The following PTP4A3 variants were observed in gnomAD, a reference collection of about 807,000 sequenced individuals.
PTP4A3 encodes protein tyrosine phosphatase 4A3.
A neutral mutation model predicts 15.2 loss-of-function variants in PTP4A3; 9 were observed. That is an observed-to-expected ratio of 0.59 (90% CI 0.36 to 1.03). The LOEUF (loss-of-function observed/expected upper bound fraction) is 1.03, where lower values mean the gene tolerates loss of function less well. PTP4A3 is among the 50% of genes least tolerant of loss of function. The pLI is 0.02. For synonymous variants in PTP4A3, 95 were observed against 102.0 expected (o/e 0.93, Z 0.41); for missense variants, 234 against 252.1 (o/e 0.93, Z 0.49).
intron 1 of PTP4A3, among the ~76,000 whole-genome samples, chr8:141,414,624 G>T (rs1323190004): frequency 8.9e-6 from 1 of 112,928 alleles, no homozygotes; most frequent in Non-Finnish European, 2.0e-5. Flanking sequence ...CCTGGACTGG[G>T]GGGGGGGTAG....
At position 141,419,314 on chromosome 8, in the gene PTP4A3, A is replaced by G. The variant is rs114470514; in HGVS notation, c.-853-2074A>G. Reference sequence around the variant, plus strand: ...GGTCAGCCCCTCAGGGAGAGGCCCAATACTGTGGTTTCTCTGGTGCTTTTC... The same window carrying G: ...GGTCAGCCCCTCAGGGAGAGGCCCAGTACTGTGGTTTCTCTGGTGCTTTTC... On this transcript the variant is annotated intron_variant, in intron 1 of 5. Coordinates refer to ENST00000521578, the MANE Select transcript of PTP4A3 (RefSeq NM_032611.3). Among the ~76,000 whole-genome samples, 1,365 of 152,290 alleles carry G rather than the reference A, an allele frequency of 9.0e-3. 15 individuals carry two copies. The highest frequency in any genetic ancestry group is 0.031 in the African/African-American group (1,289 of 41,546).
At position 141,425,850 on chromosome 8, in the gene PTP4A3, G is replaced by A. The variant is rs966899327; in HGVS notation, c.198+710G>A. On this transcript the variant is annotated intron_variant, in intron 3 of 5. Transcript: ENST00000521578. The surrounding 1 kb of genome is among the most constrained non-coding windows in gnomAD (Gnocchi z 4.2). Reference sequence around the variant, plus strand: ...CTTGGCGGTTTGGAATGGTGGCAGCGCTGGCGGTTTGGGGTCAGACAGGCC... The same window carrying A: ...CTTGGCGGTTTGGAATGGTGGCAGCACTGGCGGTTTGGGGTCAGACAGGCC... Among the ~76,000 whole-genome samples, 1 of 152,324 alleles carries A rather than the reference G, an allele frequency of 6.6e-6. No individual in the cohort carries two copies. Among genetic ancestry groups the A allele is most frequent in the South Asian group, 2.1e-4 (1 of 4,832 alleles).
intron 1 of PTP4A3, among the ~76,000 whole-genome samples, chr8:141,393,437 C>T (rs1832350885): frequency 6.6e-6 from 1 of 152,214 alleles, no homozygotes; most frequent in South Asian, 2.1e-4. Flanking sequence ...TTCCAAATAG[C>T]CCCGCTAGGG....
Position 141,431,526 on chromosome 8 carries a change from G to A in PTP4A3, c.*482G>A, listed in dbSNP as rs568704873. The A allele has an allele frequency of 1.7e-3, 264 of 155,042 alleles. No individual in the cohort carries two copies. The highest frequency in any genetic ancestry group is 6.0e-3 in the African/African-American group (251 of 41,636). 9.6% of individuals were successfully genotyped at this position (155,042 alleles called of 1,614,324 possible). On this transcript the variant is annotated 3_prime_UTR_variant, in exon 6 of 6. Transcript: ENST00000521578. The stretch of plus-strand genomic sequence containing the variant: ...GCAATAAAACAGGAGCCGTGGCCGT[G>A]TGTGTGGAGTGGGCTACAGCGTCAG...
intron 4 of PTP4A3, 69 bp from the exon 5 acceptor site, chr8:141,427,681 G>A: frequency 7.2e-7 from 1 of 1,390,014 alleles, no homozygotes. Context: ...TGCATCTTCA[G>A]CAGGTGCCCT....
intron 4 of PTP4A3, 99 bp from the exon 5 acceptor site, chr8:141,427,651 C>T (rs1343240487): frequency 2.9e-6 from 3 of 1,024,668 alleles, no homozygotes; most frequent in African/African-American, 1.6e-5. Flanking sequence ...GGATTCTGGG[C>T]CCCTTGGGCC....
At chr8:141,429,641 C>T (rs1346549821) in intron 5 of PTP4A3, among the ~76,000 whole-genome samples, 1 of 130,816 alleles carries the variant, frequency 7.6e-6, no homozygotes, top group Admixed American at 7.7e-5. Flanking sequence ...GACCAGGTGG[C>T]GGGGACAGGG....
intron 2 of PTP4A3, among the ~76,000 whole-genome samples, chr8:141,424,445 G>A (rs1373886672): frequency 1.3e-5 from 2 of 152,230 alleles, no homozygotes; most frequent in Admixed American, 6.5e-5. Context: ...GCTCTGAGGC[G>A]CCCCAGCTGA....
At chr8:141,416,858 G>T (rs886857235) in intron 1 of PTP4A3, among the ~76,000 whole-genome samples, 1 of 152,062 alleles carries the variant, frequency 6.6e-6, no homozygotes, top group African/African-American at 2.4e-5. Flanking sequence ...CTGGCAGGGG[G>T]AGGGGGGGTC....
intron 4 of PTP4A3, 121 bp from the exon 5 acceptor site, chr8:141,427,629 T>A: frequency 2.4e-6 from 2 of 828,196 alleles, no homozygotes; most frequent in South Asian, 3.2e-5. Flanking sequence ...ATGGGGGAGC[T>A]TCAGGCAGGG....
At chr8:141,429,641 C>A (rs1346549821) in intron 5 of PTP4A3, among the ~76,000 whole-genome samples, 2 of 130,938 alleles carry the variant, frequency 1.5e-5, no homozygotes, top group South Asian at 5.5e-4. Context: ...GACCAGGTGG[C>A]GGGGACAGGG....
chr8:141,415,361 C>T (rs1306992002), intron 1 of PTP4A3, among the ~76,000 whole-genome samples: 2 of 151,852 alleles, frequency 1.3e-5, no homozygotes, highest in Non-Finnish European at 2.9e-5. Context: ...CCCCCTCCCG[C>T]CCCCTCCCGC....
At chr8:141,414,810 G>A (rs1832975847) in intron 1 of PTP4A3, among the ~76,000 whole-genome samples, 1 of 151,926 alleles carries the variant, frequency 6.6e-6, no homozygotes. Context: ...CCTGAGAGAC[G>A]CCCCCTCATC....
intron 1 of PTP4A3, among the ~76,000 whole-genome samples, chr8:141,418,670 C>T (rs997240406): frequency 9.9e-5 from 15 of 152,138 alleles, no homozygotes; most frequent in African/African-American, 3.6e-4. Flanking sequence ...GGGGCCACGG[C>T]TGCCAGTGGG....
At chr8:141,393,989 C>G (rs1030279268) in intron 1 of PTP4A3, among the ~76,000 whole-genome samples, 1 of 152,204 alleles carries the variant, frequency 6.6e-6, no homozygotes. Context: ...GCTACACAGA[C>G]GTGACTTTAC....
intron 1 of PTP4A3, among the ~76,000 whole-genome samples, chr8:141,420,851 T>C (rs372509483): frequency 6.6e-6 from 1 of 151,802 alleles, no homozygotes; most frequent in African/African-American, 2.4e-5. Flanking sequence ...CACCTCCCTG[T>C]GCTGGCAGCA....
intron 1 of PTP4A3, among the ~76,000 whole-genome samples, chr8:141,408,692 AC>A: frequency 6.6e-6 from 1 of 151,658 alleles, no homozygotes; most frequent in Admixed American, 6.6e-5. Flanking sequence ...TTAGGATAGC[AC>A]CCCCGCCTAC....
At position 141,425,196 on chromosome 8, in the gene PTP4A3, C is replaced by CGGGGGGCCCGGGGGGGGGGGGGGGGGG; in HGVS notation, c.198+63_198+64insCCGGGGGGGGGGGGGGGGGGGGGGGGC. On this transcript the variant is annotated intron_variant, in intron 3 of 5. Transcript: ENST00000521578. This position sits in a 1 kb window ranked among gnomAD's most constrained non-coding sequence, Gnocchi z 4.2. Reference sequence around the variant, plus strand: ...CTGCTGCCACCGGGGGAGGGTGGGGCGGGGGGCTCCGGGCCTGCGCAGAGG... The same window carrying CGGGGGGCCCGGGGGGGGGGGGGGGGGG: ...CTGCTGCCACCGGGGGAGGGTGGGGCGGGGGGCCCGGGGGGGGGGGGGGGGGGGGGGGGCTCCGGGCCTGCGCAGAGG... The CGGGGGGCCCGGGGGGGGGGGGGGGGGG allele has an allele frequency of 1.4e-5, 5 of 361,484 alleles. No homozygotes were observed. Among genetic ancestry groups the CGGGGGGCCCGGGGGGGGGGGGGGGGGG allele is most frequent in the East Asian group, 6.7e-5 (1 of 14,872 alleles). 22.4% of individuals were successfully genotyped at this position (361,484 alleles called of 1,614,324 possible). A position where few individuals can be genotyped will look rare whatever the true frequency, so the allele number is the denominator to read the frequency against.
chr8:141,428,125 A>T (rs2130325209), intron 5 of PTP4A3, among the ~76,000 whole-genome samples: 1 of 151,634 alleles, frequency 6.6e-6, no homozygotes, highest in African/African-American at 2.4e-5. Context: ...GGGTGGAAGG[A>T]CCCCCAGAGC....
Sources: allele counts gnomAD v4.1 joint callset (sites outside exome capture counted in the v4.1 genomes callset), GRCh38; gene constraint gnomAD v4.1.1; non-coding constraint Gnocchi (gnomAD v3.1); transcripts MANE v1.5; gene names NCBI Gene and HGNC (gene_info 2026-07-23, HGNC 2026-07-21).